COX7B2: variants seen among roughly 807,000 people sequenced by gnomAD.
The protein encoded by COX7B2 is cytochrome c oxidase subunit 7B2.
For missense variants in COX7B2, 109 were observed against 95.9 expected, an observed-to-expected ratio of 1.14 and a Z score of -0.57; for synonymous variants, 37 against 32.1, an observed-to-expected ratio of 1.15 and a Z score of -0.51.
chr4:46,787,395 C>T (rs999232008), intron 2 of COX7B2, among the ~76,000 whole-genome samples: 6 of 151,648 alleles, frequency 4.0e-5, no homozygotes, highest in Admixed American at 2.0e-4. Context: ...TGCAATGAGC[C>T]GAGATCGTGC....
intron 1 of COX7B2, among the ~76,000 whole-genome samples, chr4:46,896,525 C>A (rs1719771641): frequency 6.6e-6 from 1 of 152,018 alleles, no homozygotes; most frequent in Non-Finnish European, 1.5e-5. Context: ...CAATCACACT[C>A]AAGATTTGAT....
chr4:46,791,085 C>T (rs7690753), intron 2 of COX7B2, among the ~76,000 whole-genome samples: 45,759 of 151,988 alleles, frequency 0.3, 7,439 homozygotes, highest in South Asian at 0.47. Flanking sequence ...CTGCAAGCTC[C>T]GCCTCTGGGG....
chr4:46,808,633 A>C (rs910125304), intron 2 of COX7B2, among the ~76,000 whole-genome samples: 2 of 151,820 alleles, frequency 1.3e-5, no homozygotes, highest in Non-Finnish European at 3.0e-5. Context: ...CAATGGAAAA[A>C]CTTTCAGTTT....
At chr4:46,845,507 ATT>A (rs1716218829) in intron 1 of COX7B2, among the ~76,000 whole-genome samples, 1 of 151,962 alleles carries the variant, frequency 6.6e-6, no homozygotes, top group Admixed American at 6.6e-5. Context: ...AAAGGAATAT[ATT>A]TTTCATTCTA....
At position 46,886,066 on chromosome 4, in the gene COX7B2, G is replaced by T. The variant is rs183408997; in HGVS notation, c.-105+23094C>A. On this transcript the variant is annotated intron_variant, in intron 1 of 2. Transcript: ENST00000355591. ...AGTAAAGATTTGGGAAGAAAAGAAG[G>T]CTAATTAATAATATTAATCTGTACT... 3.9e-3 allele frequency among the ~76,000 whole-genome samples: 593 copies of T among 152,240 alleles called. 6 individuals are homozygous for T. The highest frequency in any genetic ancestry group is 0.014 in the African/African-American group (578 of 41,570).
intron 2 of COX7B2, among the ~76,000 whole-genome samples, chr4:46,828,877 G>C (rs986913108): frequency 5.9e-5 from 9 of 152,138 alleles, no homozygotes; most frequent in South Asian, 4.1e-4. Flanking sequence ...AAATATAAGA[G>C]AGCCCTTGTG....
At chr4:46,889,097 T>C (rs1447063934) in intron 1 of COX7B2, among the ~76,000 whole-genome samples, 2 of 152,196 alleles carry the variant, frequency 1.3e-5, no homozygotes, top group African/African-American at 2.4e-5. Flanking sequence ...CCCATAAATA[T>C]ATACACCTAT....
At chr4:46,735,326 G>A in intron 2 of COX7B2, 85 bp from the exon 3 acceptor site, 1 of 1,002,834 alleles carries the variant, frequency 1.0e-6, no homozygotes, top group South Asian at 1.5e-5. Context: ...TCACCCCTTG[G>A]AGTGGTGTTC....
intron 2 of COX7B2, among the ~76,000 whole-genome samples, chr4:46,768,536 G>C (rs1052591710): frequency 1.3e-5 from 2 of 152,092 alleles, no homozygotes; most frequent in African/African-American, 4.8e-5. Flanking sequence ...AGGGCCATAG[G>C]TCTATGCTTG....
At chr4:46,761,697 T>C (rs1206536480) in intron 2 of COX7B2, among the ~76,000 whole-genome samples, 2 of 152,130 alleles carry the variant, frequency 1.3e-5, no homozygotes, top group African/African-American at 4.8e-5. Flanking sequence ...CAGGGAAATA[T>C]AGATCTCTGC....
chr4:46,807,094 A>AG (rs1335158221), intron 2 of COX7B2, among the ~76,000 whole-genome samples: 16 of 150,560 alleles, frequency 1.1e-4, no homozygotes, highest in Non-Finnish European at 1.5e-5. Context: ...GAAACCTCAT[A>AG]CTTTTTTTTT....
At chr4:46,870,030 C>G (rs921524110) in intron 1 of COX7B2, among the ~76,000 whole-genome samples, 1 of 152,058 alleles carries the variant, frequency 6.6e-6, no homozygotes, top group Non-Finnish European at 1.5e-5. Flanking sequence ...TAGATTTGGC[C>G]TCTTTACATA....
At chr4:46,773,465 A>C (rs574125342) in intron 2 of COX7B2, among the ~76,000 whole-genome samples, 1 of 152,242 alleles carries the variant, frequency 6.6e-6, no homozygotes, top group Non-Finnish European at 1.5e-5. Context: ...GTCATGCTGA[A>C]CTGTGAGTCA....
intron 2 of COX7B2, among the ~76,000 whole-genome samples, chr4:46,774,490 T>C (rs1717048372): frequency 1.3e-5 from 2 of 152,230 alleles, no homozygotes; most frequent in South Asian, 4.2e-4. Context: ...GGCATCAATG[T>C]AGGGGACGTG....
intron 2 of COX7B2, among the ~76,000 whole-genome samples, chr4:46,814,715 A>C (rs1280578441): frequency 2.0e-5 from 3 of 152,222 alleles, no homozygotes; most frequent in Non-Finnish European, 4.4e-5. Flanking sequence ...TTTTTACGTC[A>C]ATGTATCACT....
At chr4:46,774,921 G>A (rs1717070850) in intron 2 of COX7B2, among the ~76,000 whole-genome samples, 1 of 152,066 alleles carries the variant, frequency 6.6e-6, no homozygotes, top group Admixed American at 6.6e-5. Context: ...CAAAAAATAA[G>A]GCACTGAATA....
At chr4:46,890,224 C>T (rs1206453994) in intron 1 of COX7B2, among the ~76,000 whole-genome samples, 3 of 152,170 alleles carry the variant, frequency 2.0e-5, no homozygotes, top group Non-Finnish European at 4.4e-5. Context: ...GCTATGTTTG[C>T]ATAATCACAA....
chr4:46,866,666 A>G (rs1410428357), intron 1 of COX7B2, among the ~76,000 whole-genome samples: 2 of 152,158 alleles, frequency 1.3e-5, no homozygotes, highest in Non-Finnish European at 2.9e-5. Context: ...CTAAGGAATT[A>G]GACTCAAACC....
intron 2 of COX7B2, among the ~76,000 whole-genome samples, chr4:46,745,922 T>A (rs1458734483): frequency 6.6e-6 from 1 of 152,158 alleles, no homozygotes; most frequent in Non-Finnish European, 1.5e-5. Flanking sequence ...AGTCTAAAAT[T>A]TCTTAAGTCT....
Sources: gnomAD v4.1 joint callset for allele counts (sites outside exome capture counted in the v4.1 genomes callset) on GRCh38, gnomAD v4.1.1 for gene constraint, MANE v1.5 for transcripts, NCBI Gene and HGNC (gene_info 2026-07-23, HGNC 2026-07-21) for gene names.